USP37: variants seen among roughly 807,000 people sequenced by gnomAD.
The protein encoded by USP37 is ubiquitin carboxyl-terminal hydrolase 37.
In USP37, 27 loss-of-function variants were observed where a neutral mutation model predicts 124.0. That is an observed-to-expected ratio of 0.22 (90% CI 0.16 to 0.30). USP37 has a LOEUF of 0.30. Among genes scored for constraint, USP37 ranks in the 10% least tolerant of loss-of-function variants. The pLI is 1.00. For missense variants in USP37, 889 were observed against 1,140.4 expected (o/e 0.78, Z 3.17); for synonymous variants, 365 against 388.0 (o/e 0.94, Z 0.70).
intron 8 of USP37, among the ~76,000 whole-genome samples, chr2:218,535,415 A>G (rs555942608): frequency 6.7e-6 from 1 of 149,576 alleles, no homozygotes; most frequent in East Asian, 2.0e-4. Flanking sequence ...ATAGGTTTAC[A>G]AAGAAAAACA....
Position 218,498,061 on chromosome 2 carries a change from G to A in USP37, c.1122C>T (p.Ile374=). The A allele has an allele frequency of 1.2e-6, 2 of 1,612,012 alleles. No individual in the cohort carries two copies. The highest frequency in any genetic ancestry group is 1.1e-5 in the South Asian group (1 of 90,626). The change falls in exon 12 of 26, where the codon ATC becomes ATT. Residue 374 remains isoleucine (I), a synonymous_variant. Coordinates refer to ENST00000258399, the MANE Select transcript of USP37 (RefSeq NM_020935.3). ...SFANDLLKQG[I]PWKKIPLNAL... ...CATTGAGTGGAATTTTCTTCCATGG[G>A]ATACCTTGTTTAAGCAAGTCATTTG... is the stretch of plus-strand genomic sequence containing the variant.
At chr2:218,520,824 G>T (rs993252117) in intron 10 of USP37, among the ~76,000 whole-genome samples, 4 of 152,200 alleles carry the variant, frequency 2.6e-5, no homozygotes, top group Non-Finnish European at 4.4e-5. Context: ...TTGGTGAAGA[G>T]AACAGGCCAG....
chr2:218,526,422 A>G (rs973869528), intron 10 of USP37, among the ~76,000 whole-genome samples: 1 of 151,820 alleles, frequency 6.6e-6, no homozygotes, highest in Non-Finnish European at 1.5e-5. Context: ...TTTAGTAGAG[A>G]TGGGGTTTCA....
chr2:218,547,200 G>T, intron 6 of USP37, 109 bp from the exon 7 acceptor site: 1 of 1,157,930 alleles, frequency 8.6e-7, no homozygotes, highest in Non-Finnish European at 1.2e-6. Context: ...AGCCAGGTGC[G>T]ATGGCTCATG....
At chr2:218,550,339 G>C (rs1574955995) in intron 5 of USP37, among the ~76,000 whole-genome samples, 1 of 152,206 alleles carries the variant, frequency 6.6e-6, no homozygotes, top group South Asian at 2.1e-4. Flanking sequence ...AGTTTATCCA[G>C]CAGAATAAAT....
At chr2:218,471,614 C>T (rs560582914) in intron 20 of USP37, among the ~76,000 whole-genome samples, 1 of 152,308 alleles carries the variant, frequency 6.6e-6, no homozygotes, top group East Asian at 1.9e-4. Flanking sequence ...CCTTGTCCCA[C>T]CAACTGTGCC....
At position 218,479,668 on chromosome 2, in the gene USP37, C is replaced by CTGG. The variant is rs745381167; in HGVS notation, c.1880_1882dup (p.Thr627dup). ...AACTCACTTTGAAGGTGTAGAAGGG[C>CTGG]TGGTGATGCAGGAATTCACCATTTG... On this transcript the variant is annotated inframe_insertion, in exon 18 of 26. Coordinates refer to ENST00000258399, the MANE Select transcript of USP37 (RefSeq NM_020935.3). 17 of 1,612,352 alleles carry CTGG rather than the reference C, an allele frequency of 1.1e-5. No homozygotes were observed. The South Asian group carries it at 1.9e-4, about 18-fold the overall frequency.
chr2:218,543,267 C>T (rs1478045325), intron 8 of USP37, among the ~76,000 whole-genome samples: 1 of 146,614 alleles, frequency 6.8e-6, no homozygotes, highest in African/African-American at 2.5e-5. Context: ...CTTGCGAGGC[C>T]GAGGTGGGCA....
At chr2:218,465,895 T>A in intron 21 of USP37, 115 bp downstream of exon 21, 1 of 1,340,408 alleles carries the variant, frequency 7.5e-7, no homozygotes, top group Non-Finnish European at 1.0e-6. Context: ...TTACTCTATG[T>A]AAATCATCTG....
At chr2:218,567,485 T>G (rs905082706) in intron 1 of USP37, among the ~76,000 whole-genome samples, 2 of 152,118 alleles carry the variant, frequency 1.3e-5, no homozygotes, top group Non-Finnish European at 2.9e-5. Context: ...TCTCCTAAGA[T>G]CTCCAAACCC....
intron 14 of USP37, among the ~76,000 whole-genome samples, chr2:218,490,981 C>T (rs776095180): frequency 6.6e-6 from 1 of 152,206 alleles, no homozygotes; most frequent in Non-Finnish European, 1.5e-5. Flanking sequence ...TCAAGCAATC[C>T]TCCCACCTTA....
chr2:218,466,108 A>G lies in USP37; in HGVS notation c.2368T>C (p.Ser790Pro), dbSNP rs759542985. 3.3e-5 allele frequency: 53 copies of G among 1,613,818 alleles called. No individual in the cohort carries two copies. In the South Asian group the frequency reaches 5.5e-4, roughly 17 times the overall value. ...TGGAGCCAATCAACTTCTCCCTGAG[A>G]TCCTTCTGGAGTTTTGTTTTCTTTA... ...ENKENKTPEG[S>P]QGEVDWLQQY... Residue 790 changes from serine (S) to proline (P), a missense_variant, in exon 21 of 26, where the codon TCT becomes CCT. Ser to Pro is a moderately conservative substitution (Grantham distance 74). This residue lies in a region of USP37 where 504 missense variants were observed against 714.3 expected (regional missense o/e 0.71). Transcript: ENST00000258399.
intron 11 of USP37, among the ~76,000 whole-genome samples, chr2:218,509,440 A>G (rs1449784917): frequency 6.6e-6 from 1 of 152,208 alleles, no homozygotes; most frequent in Non-Finnish European, 1.5e-5. Flanking sequence ...CTGGCATGTA[A>G]TAAACACTTT....
intron 4 of USP37, among the ~76,000 whole-genome samples, chr2:218,554,931 C>A (rs1344450536): frequency 6.6e-6 from 1 of 151,476 alleles, no homozygotes; most frequent in Non-Finnish European, 1.5e-5. Context: ...ATATAGCACA[C>A]TTTTTTTTTC....
At chr2:218,491,217 G>A (rs1181263757) in intron 14 of USP37, among the ~76,000 whole-genome samples, 1 of 152,138 alleles carries the variant, frequency 6.6e-6, no homozygotes, top group Non-Finnish European at 1.5e-5. Context: ...AAAAAGAGAA[G>A]TCTGAAGTAA....
Position 218,452,430 on chromosome 2 carries a change from AC to A in USP37, c.*2499del, listed in dbSNP as rs1689510785. The A allele has an allele frequency of 1.3e-5, 2 of 152,040 alleles. No homozygotes were observed. The highest frequency in any genetic ancestry group is 4.2e-4 in the South Asian group (2 of 4,816). The allele number at this position is 152,040 out of a possible 1,614,324, so 9.4% of individuals were successfully genotyped here. A position where few individuals can be genotyped will look rare whatever the true frequency, so the allele number is the denominator to read the frequency against. On this transcript the variant is annotated 3_prime_UTR_variant, in exon 26 of 26. Coordinates refer to ENST00000258399, the MANE Select transcript of USP37 (RefSeq NM_020935.3). ...ACAGCCAGCTCAAAAACAACAACAA[AC>A]CCCATCAACATAGTCCAGCTGAAAT...
At chr2:218,534,570 T>C in intron 9 of USP37, 39 bp downstream of exon 9, 1 of 1,275,848 alleles carries the variant, frequency 7.8e-7, no homozygotes. Flanking sequence ...AAATATATAA[T>C]AAATGAGCAC....
intron 19 of USP37, among the ~76,000 whole-genome samples, chr2:218,476,617 G>A (rs114754642): frequency 0.015 from 2,236 of 152,240 alleles, 49 homozygotes; most frequent in African/African-American, 0.05. Context: ...ATTTGAGGAC[G>A]AATATGCAAA....
intron 14 of USP37, among the ~76,000 whole-genome samples, chr2:218,493,586 T>C (rs1688912237): frequency 6.6e-6 from 1 of 152,182 alleles, no homozygotes; most frequent in African/African-American, 2.4e-5. Flanking sequence ...TTGTCCTGCC[T>C]CAGCCTCCCT....
Sources: allele counts gnomAD v4.1 joint callset (sites outside exome capture counted in the v4.1 genomes callset), GRCh38; gene constraint gnomAD v4.1.1; regional missense constraint gnomAD v4.1.1; transcripts MANE v1.5; gene names NCBI Gene and HGNC (gene_info 2026-07-23, HGNC 2026-07-21).